DCX: variants seen among roughly 807,000 people sequenced by gnomAD.
DCX encodes the protein neuronal migration protein doublecortin.
DCX carries 4 observed loss-of-function variants against 20.9 expected under a neutral mutation model. The ratio of observed to expected loss-of-function variants is 0.19; its 90% confidence interval spans 0.09 to 0.44. The LOEUF is 0.44. Among genes scored for constraint, DCX ranks in the 20% least tolerant of loss-of-function variants. The probability of loss-of-function intolerance (pLI) is 0.99; values close to 1 mark genes in which losing one functional copy is unlikely to be tolerated. For missense variants in DCX, 133 were observed against 296.9 expected (o/e 0.45, Z 4.06); for synonymous variants, 103 against 111.4 (o/e 0.92, Z 0.47).
At chrX:111,343,785 C>T (rs1355598901) in intron 3 of DCX, among the ~76,000 whole-genome samples, 1 of 111,189 alleles carries the variant, frequency 9.0e-6, no homozygotes, top group African/African-American at 3.3e-5. Flanking sequence ...AGTTTGAGAC[C>T]AGCCTGGCCA....
chrX:111,390,441 A>G (rs1453639707), intron 3 of DCX, among the ~76,000 whole-genome samples: 2 of 112,183 alleles, frequency 1.8e-5, no homozygotes, highest in Admixed American at 9.5e-5. Context: ...GTGGTAACTT[A>G]CTACACAGCA....
chrX:111,321,911 C>T (rs2095087459), intron 5 of DCX, among the ~76,000 whole-genome samples: 1 of 111,996 alleles, frequency 8.9e-6, no homozygotes, highest in African/African-American at 3.2e-5. Flanking sequence ...TTCTCCCAAC[C>T]TTTGACCACA....
chrX:111,307,195 C>T (rs1295348130), intron 6 of DCX, among the ~76,000 whole-genome samples: 1 of 109,410 alleles, frequency 9.1e-6, no homozygotes, highest in Non-Finnish European at 1.9e-5. Flanking sequence ...CTTTGAAAAT[C>T]CTTTATATTG....
At chrX:111,373,681 C>T (rs1925296377) in intron 3 of DCX, among the ~76,000 whole-genome samples, 1 of 111,133 alleles carries the variant, frequency 9.0e-6, no homozygotes, top group Non-Finnish European at 1.9e-5. Flanking sequence ...AAATCCAGGT[C>T]TCCCTACAAG....
At chrX:111,356,872 T>C (rs1404249794) in intron 3 of DCX, among the ~76,000 whole-genome samples, 2 of 111,819 alleles carry the variant, frequency 1.8e-5, no homozygotes, top group African/African-American at 6.5e-5. Flanking sequence ...GGCCAGGAGT[T>C]TGAGACCTCA....
chrX:111,339,613 A>G (rs921536036), intron 3 of DCX, among the ~76,000 whole-genome samples: 9 of 111,861 alleles, frequency 8.0e-5, no homozygotes, highest in African/African-American at 2.9e-4. Flanking sequence ...AACAACAGAC[A>G]ATTAACTAAG....
intron 3 of DCX, among the ~76,000 whole-genome samples, chrX:111,388,689 C>T (rs1188624726): frequency 2.7e-5 from 3 of 111,939 alleles, no homozygotes; most frequent in Non-Finnish European, 5.6e-5. Flanking sequence ...TTACATATAG[C>T]GTAATTTGAG....
intron 5 of DCX, among the ~76,000 whole-genome samples, chrX:111,317,189 C>T (rs893711129): frequency 8.9e-6 from 1 of 111,897 alleles, no homozygotes; most frequent in African/African-American, 3.3e-5. Context: ...CATAGGGCTA[C>T]AGTAACCAAA....
chrX:111,370,781 T>TA (rs372146733), intron 3 of DCX, among the ~76,000 whole-genome samples: 3,426 of 103,456 alleles, frequency 0.033, 79 homozygotes, highest in African/African-American at 0.077. Flanking sequence ...TGGAGAGCTT[T>TA]AAAAAAAAAA....
At chrX:111,378,602 G>A (rs1258375849) in intron 3 of DCX, among the ~76,000 whole-genome samples, 1 of 110,863 alleles carries the variant, frequency 9.0e-6, no homozygotes, top group Non-Finnish European at 1.9e-5. Context: ...ACTAGGTAGC[G>A]ACCAAATTTC....
At chrX:111,402,550 C>T (rs7056011) in intron 2 of DCX, among the ~76,000 whole-genome samples, 7,744 of 111,531 alleles carry the variant, frequency 0.069, 463 homozygotes, top group African/African-American at 0.19. Flanking sequence ...GCATTAAACA[C>T]AATTATAGTC....
chrX:111,410,705 A>G (rs1260801986), intron 1 of DCX: 1 of 1,147,040 alleles, frequency 8.7e-7, no homozygotes, highest in African/African-American at 1.9e-5. Flanking sequence ...ACTGTTCCAG[A>G]CAGAGGAGAA....
intron 3 of DCX, among the ~76,000 whole-genome samples, chrX:111,353,374 A>G (rs1198349531): frequency 1.8e-5 from 2 of 112,176 alleles, no homozygotes; most frequent in Non-Finnish European, 3.8e-5. Context: ...TAGTGCATAT[A>G]AAATGCTTTG....
At position 111,322,695 on chromosome X, in the gene DCX, A is replaced by T. The variant is rs61526309; in HGVS notation, c.946+8209T>A. 1.8e-3 allele frequency among the ~76,000 whole-genome samples: 205 copies of T among 111,977 alleles called. 1 individual carries two copies. The highest frequency in any genetic ancestry group is 6.4e-3 in the African/African-American group (199 of 30,867). On this transcript the variant is annotated intron_variant, in intron 5 of 6. Transcript: ENST00000636035. ...TGCTTTGGCTAATTGTTTCTGCTCA[A>T]TGGAAAAGCTTTTGTCCCTCTCCCT...
In DCX at chrX:111,364,990, G is replaced by A. The variant is rs1924498630; in HGVS notation, c.706-31837C>T. ...CACTGCAGCCTTCACCTCCTGGACT[G>A]AAGAGAACCTCCCACCTCCACCTCC... On this transcript the variant is annotated intron_variant, in intron 3 of 6. Transcript: ENST00000636035. Among the ~76,000 whole-genome samples, 3 of 110,006 alleles carry A rather than the reference G, an allele frequency of 2.7e-5. No homozygotes were observed. In the South Asian group the frequency reaches 1.2e-3, roughly 43 times the overall value.
intron 5 of DCX, among the ~76,000 whole-genome samples, chrX:111,320,126 G>C (rs1353115742): frequency 1.8e-5 from 2 of 112,282 alleles, no homozygotes; most frequent in Non-Finnish European, 3.8e-5. Flanking sequence ...TTCCCTGGTA[G>C]AATGAAATCC....
At chrX:111,312,884 AAC>A (rs1457547824) in intron 5 of DCX, 148 bp from the exon 6 acceptor site, 15 of 557,070 alleles carry the variant, frequency 2.7e-5, no homozygotes, top group Non-Finnish European at 3.6e-5. Flanking sequence ...GGTGAAAAGA[AAC>A]ACATTCCTCA....
intron 3 of DCX, among the ~76,000 whole-genome samples, chrX:111,369,115 C>T (rs1304302116): frequency 9.1e-6 from 1 of 110,478 alleles, no homozygotes; most frequent in Non-Finnish European, 1.9e-5. Context: ...AGGCCAGTCT[C>T]GTCTTTTCAC....
At chrX:111,383,235 G>T (rs1926118800) in intron 3 of DCX, among the ~76,000 whole-genome samples, 1 of 111,423 alleles carries the variant, frequency 9.0e-6, no homozygotes, top group Non-Finnish European at 1.9e-5. Context: ...CTAGAAATAT[G>T]CTAGAACTAG....
Sources: allele counts gnomAD v4.1 joint callset (sites outside exome capture counted in the v4.1 genomes callset), GRCh38; gene constraint gnomAD v4.1.1; transcripts MANE v1.5; gene names NCBI Gene and HGNC (gene_info 2026-07-23, HGNC 2026-07-21).